COL24A1: variants seen among roughly 807,000 people sequenced by gnomAD.
COL24A1 encodes the protein collagen type XXIV alpha 1 chain.
In COL24A1, 224 loss-of-function variants were observed where a neutral mutation model predicts 253.9. That is an observed-to-expected ratio of 0.88 (90% CI 0.79 to 0.99). The LOEUF (loss-of-function observed/expected upper bound fraction) is 0.99. Among genes scored for constraint, COL24A1 ranks in the 50% least tolerant of loss-of-function variants. COL24A1 has a pLI of 0.00. For synonymous variants in COL24A1, 685 were observed against 673.7 expected (o/e 1.02, Z -0.26); for missense variants, 2,131 against 2,068.5 (o/e 1.03, Z -0.59).
intron 5 of COL24A1, among the ~76,000 whole-genome samples, chr1:86,097,916 G>T (rs1704134342): frequency 6.6e-6 from 1 of 152,084 alleles, no homozygotes; most frequent in Non-Finnish European, 1.5e-5. Context: ...GATCTCAGTT[G>T]AATATGTCCA....
At chr1:85,757,451 G>A (rs1666384696) in intron 55 of COL24A1, among the ~76,000 whole-genome samples, 1 of 152,134 alleles carries the variant, frequency 6.6e-6, no homozygotes, top group Admixed American at 6.5e-5. Flanking sequence ...TTCTGTGTGT[G>A]GCAGTAAATA....
At chr1:86,075,756 C>T (rs766790219) in intron 7 of COL24A1, among the ~76,000 whole-genome samples, 7 of 152,066 alleles carry the variant, frequency 4.6e-5, no homozygotes, top group Non-Finnish European at 8.8e-5. Flanking sequence ...AATCAATCAA[C>T]GTAATCCATC....
intron 19 of COL24A1, among the ~76,000 whole-genome samples, chr1:86,010,337 T>C (rs1696377065): frequency 6.6e-6 from 1 of 152,142 alleles, no homozygotes; most frequent in South Asian, 2.1e-4. Context: ...CTAATTTCCC[T>C]AATACCCAAA....
chr1:85,800,041 A>G lies in COL24A1; in HGVS notation c.3952-13580T>C, dbSNP rs188103170. ...AGGGACAGAATCTGTTCTATGGCTC[A>G]GAATCTGTTTTTATAAACAATGGTT... On this transcript the variant is annotated intron_variant, in intron 47 of 59. Transcript: ENST00000370571. 1.2e-4 allele frequency among the ~76,000 whole-genome samples: 19 copies of G among 152,340 alleles called. No individual in the cohort carries two copies. In the East Asian group the frequency reaches 3.7e-3, roughly 29 times the overall value.
At chr1:86,016,591 A>AGACC (rs1697015571) in intron 19 of COL24A1, among the ~76,000 whole-genome samples, 1 of 152,236 alleles carries the variant, frequency 6.6e-6, no homozygotes, top group South Asian at 2.1e-4. Flanking sequence ...TCTTTGACTC[A>AGACC]TAGGTCTGAC....
intron 35 of COL24A1, among the ~76,000 whole-genome samples, chr1:85,870,721 A>C (rs1467639065): frequency 6.6e-6 from 1 of 152,240 alleles, no homozygotes; most frequent in Non-Finnish European, 1.5e-5. Context: ...AAGTTATAGC[A>C]CTAAATGCTC....
At chr1:86,101,655 T>C (rs999375163) in intron 5 of COL24A1, among the ~76,000 whole-genome samples, 2 of 152,240 alleles carry the variant, frequency 1.3e-5, no homozygotes, top group African/African-American at 2.4e-5. Flanking sequence ...CATGTGGTTT[T>C]TGTCTTTAAT....
intron 32 of COL24A1, among the ~76,000 whole-genome samples, chr1:85,886,125 C>A (rs1040635559): frequency 6.6e-6 from 1 of 151,418 alleles, no homozygotes; most frequent in South Asian, 2.1e-4. Flanking sequence ...TGCAGTTGTG[C>A]GATCTTGGCT....
intron 37 of COL24A1, among the ~76,000 whole-genome samples, chr1:85,857,154 G>T (rs1395852774): frequency 1.3e-5 from 2 of 152,086 alleles, no homozygotes; most frequent in Non-Finnish European, 2.9e-5. Flanking sequence ...GATATCACCT[G>T]GTGGGTAGCC....
At chr1:86,092,440 T>G in intron 5 of COL24A1, 120 bp from the exon 6 acceptor site, 1 of 639,240 alleles carries the variant, frequency 1.6e-6, no homozygotes, top group Non-Finnish European at 2.6e-6. Context: ...AAAATAATTT[T>G]ACATTGAGAT....
chr1:86,124,861 C>T lies in COL24A1; in HGVS notation c.1475G>A (p.Gly492Glu). Residue 492 changes from glycine (G) to glutamate (E), a missense_variant, in exon 3 of 60, where the codon GGA becomes GAA. Coordinates refer to ENST00000370571, the MANE Select transcript of COL24A1 (RefSeq NM_152890.7). ...LEMEYLRGPK[G>E]DTGPPGPPGP... ...AAAACTTACGGGAGGTCCAGTGTCT[C>T]CTTTTGGCCCTCTCAGATACTCCAT... is the stretch of plus-strand genomic sequence containing the variant. The T allele has an allele frequency of 1.3e-6, 2 of 1,561,106 alleles. No individual in the cohort carries two copies. The highest frequency in any genetic ancestry group is 1.2e-5 in the South Asian group (1 of 81,102).
chr1:85,857,924 C>T (rs953641233), intron 37 of COL24A1, among the ~76,000 whole-genome samples: 1 of 152,140 alleles, frequency 6.6e-6, no homozygotes, highest in Non-Finnish European at 1.5e-5. Context: ...AAATTTGTTG[C>T]TCTGTTACAC....
At chr1:86,089,588 G>A (rs1047683676) in intron 6 of COL24A1, among the ~76,000 whole-genome samples, 1 of 152,214 alleles carries the variant, frequency 6.6e-6, no homozygotes, top group Non-Finnish European at 1.5e-5. Flanking sequence ...GGGAGGCCGA[G>A]ACAGGTGGAC....
Position 86,112,462 on chromosome 1 carries a change from C to G in COL24A1, c.1599+105G>C, listed in dbSNP as rs1262983006. The G allele has an allele frequency of 4.3e-6, 4 of 940,618 alleles. No individual in the cohort carries two copies. In the East Asian group the frequency reaches 1.0e-4, roughly 24 times the overall value. 58.3% of individuals were successfully genotyped at this position (940,618 alleles called of 1,614,324 possible). Reference sequence around the variant, plus strand: ...TCATGCTCTGGAGGTGACAGAGATCCTTGATGTATCAAGACTTGCCTTAAA... The same window carrying G: ...TCATGCTCTGGAGGTGACAGAGATCGTTGATGTATCAAGACTTGCCTTAAA... On this transcript the variant is annotated intron_variant, in intron 5 of 59. Transcript: ENST00000370571.
chr1:85,977,504 G>C (rs924074529), intron 20 of COL24A1, among the ~76,000 whole-genome samples: 1 of 152,090 alleles, frequency 6.6e-6, no homozygotes, highest in Non-Finnish European at 1.5e-5. Flanking sequence ...AAATTCTCCA[G>C]AGAAACAGAT....
intron 33 of COL24A1, among the ~76,000 whole-genome samples, 200 bp from the exon 34 acceptor site, chr1:85,875,530 G>T (rs1681055700): frequency 6.6e-6 from 1 of 151,942 alleles, no homozygotes; most frequent in African/African-American, 2.4e-5. Flanking sequence ...TCTAAAATTA[G>T]GACTTTTAAG....
At position 85,823,697 on chromosome 1, in the gene COL24A1, T is replaced by C. The variant is rs201241617; in HGVS notation, c.3723A>G (p.Gln1241=). The change falls in exon 44 of 60, where the codon CAA becomes CAG. Residue 1241 remains glutamine, a synonymous_variant. Coordinates refer to ENST00000370571, the MANE Select transcript of COL24A1 (RefSeq NM_152890.7). ...GVPGLRGATG[Q]QGPPGEPGDQ... is the part of the protein sequence containing the mutation. The stretch of plus-strand genomic sequence containing the variant: ...TTTCAAAACATACTGGGGGTCCTTG[T>C]TGTCCAGTGGCACCTCTTAGTCCTG... The C allele has an allele frequency of 1.2e-6, 2 of 1,613,946 alleles. No individual in the cohort carries two copies. Among genetic ancestry groups the C allele is most frequent in the South Asian group, 1.1e-5 (1 of 91,046 alleles).
chr1:86,036,525 C>A (rs1571691878), intron 12 of COL24A1, among the ~76,000 whole-genome samples: 1 of 152,050 alleles, frequency 6.6e-6, no homozygotes, highest in South Asian at 2.1e-4. Context: ...TTTTAAAGAA[C>A]ATCATACCAA....
intron 14 of COL24A1, among the ~76,000 whole-genome samples, chr1:86,024,173 T>G (rs1452487340): frequency 6.6e-6 from 1 of 152,170 alleles, no homozygotes; most frequent in Non-Finnish European, 1.5e-5. Flanking sequence ...TTTCATTTTC[T>G]GAATAGCTCT....
Sources: allele counts gnomAD v4.1 joint callset (sites outside exome capture counted in the v4.1 genomes callset), GRCh38; gene constraint gnomAD v4.1.1; transcripts MANE v1.5; gene names NCBI Gene and HGNC (gene_info 2026-07-23, HGNC 2026-07-21).